The following LIPM variants were observed in gnomAD, a reference collection of about 807,000 sequenced individuals.
LIPM encodes lipase member M.
A neutral mutation model predicts 42.4 loss-of-function variants in LIPM; 42 were observed. The observed-to-expected ratio is 0.99, with a 90% confidence interval of 0.77 to 1.28. The LOEUF is 1.28. Ranked by LOEUF, LIPM falls within the 50% of genes most tolerant of loss-of-function variation. The pLI, the probability that LIPM is intolerant of heterozygous loss-of-function variation, is 0.00. For missense variants in LIPM, 524 were observed against 520.1 expected, an observed-to-expected ratio of 1.01 and a Z score of -0.07; for synonymous variants, 177 against 173.3, an observed-to-expected ratio of 1.02 and a Z score of -0.17.
chr10:88,816,849 G>C lies in LIPM; in HGVS notation c.892G>C (p.Ala298Pro). Residue 298 changes from alanine (A) to proline (P), a missense_variant, in exon 7 of 9, where the codon GCT (alanine) becomes CCT (proline). Transcript: ENST00000404743. ...RASVYAAHTLAGTSVQNILHW... is the reference protein window; with the variant it reads ...RASVYAAHTLPGTSVQNILHW... ...AAGTGTATATGCTGCCCACACTCTT[G>C]CTGGAACATCTGTGCAAAATATTCT... 6.4e-7 allele frequency: 1 copy of C among 1,551,480 alleles called. No individual in the cohort carries two copies. Among genetic ancestry groups the C allele is most frequent in the Non-Finnish European group, 8.7e-7 (1 of 1,146,868 alleles).
intron 3 of LIPM, among the ~76,000 whole-genome samples, chr10:88,813,524 G>A (rs1589315593): frequency 6.6e-6 from 1 of 152,038 alleles, no homozygotes; most frequent in East Asian, 1.9e-4. Flanking sequence ...GAGAATGGTG[G>A]TTGGTGTCAG....
At chr10:88,811,642 T>C (rs567855283) in intron 2 of LIPM, among the ~76,000 whole-genome samples, 2 of 152,200 alleles carry the variant, frequency 1.3e-5, no homozygotes, top group Non-Finnish European at 2.9e-5. Context: ...ATTTCCAATT[T>C]ATGGAAAAGT....
chr10:88,817,878 T>A lies in LIPM; in HGVS notation c.984T>A (p.Asn328Lys). 6.4e-7 allele frequency: 1 copy of A among 1,551,250 alleles called. No homozygotes were observed. The highest frequency in any genetic ancestry group is 8.7e-7 in the Non-Finnish European group (1 of 1,146,730). ...RAFDWGSETK[N>K]LEKCNQPTPV... is the part of the protein sequence containing the mutation. ...TTGACTGGGGGAGTGAGACCAAAAA[T>A]CTGGAAAAATGCAATCAGGTAAGAA... The change falls in exon 8 of 9, where the codon AAT becomes AAA. Residue 328 changes from asparagine (N) to lysine (K), a missense_variant. Transcript: ENST00000404743.
chr10:88,812,702 A>C (rs531578624), intron 2 of LIPM, among the ~76,000 whole-genome samples: 1 of 152,302 alleles, frequency 6.6e-6, no homozygotes, highest in Non-Finnish European at 1.5e-5. Flanking sequence ...TAATCACTAA[A>C]CCATTATATA....
intron 4 of LIPM, 100 bp downstream of exon 4, chr10:88,814,739 G>T: frequency 1.2e-6 from 1 of 864,788 alleles, no homozygotes; most frequent in Non-Finnish European, 1.9e-6. Flanking sequence ...CTTCAGACCT[G>T]CTCTTTTCAT....
chr10:88,803,272 T>C (rs1843549517), intron 1 of LIPM, among the ~76,000 whole-genome samples: 1 of 152,198 alleles, frequency 6.6e-6, no homozygotes, highest in Non-Finnish European at 1.5e-5. Context: ...TCTTTGAGCT[T>C]CAAACACAAT....
intron 1 of LIPM, chr10:88,806,103 C>T: frequency 4.7e-6 from 2 of 425,412 alleles, no homozygotes; most frequent in Non-Finnish European, 4.7e-6. Flanking sequence ...CAAGGGTGAT[C>T]TGTTGACAGC....
chr10:88,810,368 T>A (rs938954995), intron 2 of LIPM, among the ~76,000 whole-genome samples: 5 of 152,150 alleles, frequency 3.3e-5, no homozygotes, highest in Non-Finnish European at 4.4e-5. Flanking sequence ...TTTTCTTACA[T>A]CCTGTTGATT....
rs1232073627 is a variant in LIPM, at chr10:88,803,062, G to C, written c.147+19G>C. 8 of 1,548,924 alleles carry C rather than the reference G, an allele frequency of 5.2e-6. No homozygotes were observed. Among genetic ancestry groups the C allele is most frequent in the Non-Finnish European group, 7.0e-6 (8 of 1,145,742 alleles). ...GAATATTGTAAGTTGGGATTTCTGG[G>C]AAATGAGGTACTTAACATGTTAACG... is the stretch of plus-strand genomic sequence containing the variant. On this transcript the variant is annotated intron_variant, in intron 1 of 8. Transcript: ENST00000404743.
In LIPM at chr10:88,813,166, CCAA is replaced by C; in HGVS notation, c.339_341del (p.Asn114del). 6.2e-7 allele frequency: 1 copy of C among 1,613,098 alleles called. No homozygotes were observed. The highest frequency in any genetic ancestry group is 8.5e-7 in the Non-Finnish European group (1 of 1,179,526). On this transcript the variant is annotated inframe_deletion, in exon 3 of 9. Coordinates refer to ENST00000404743, the MANE Select transcript of LIPM (RefSeq NM_001128215.1). ...GCTAGCAACTGGATTTCCAACCTGCCCAACAATAGCCTGGGCTTCATTCTGGCA... is the reference window on the plus strand; with the variant it reads ...GCTAGCAACTGGATTTCCAACCTGCCCAATAGCCTGGGCTTCATTCTGGCA...
Position 88,820,227 on chromosome 10 carries a change from T to C in LIPM, c.1003-5T>C, listed in dbSNP as rs1412639448. ...CTAGAGTTAAGAACTATTCCTTTTC[T>C]CTAGCCAACTCCTGTAAGGTACAGA... On this transcript the variant is annotated splice_polypyrimidine_tract_variant and splice_region_variant and intron_variant, in intron 8 of 8. Transcript: ENST00000404743. 3 of 1,546,650 alleles carry C rather than the reference T, an allele frequency of 1.9e-6. No homozygotes were observed. The highest frequency in any genetic ancestry group is 2.4e-5 in the East Asian group (1 of 40,876).
chr10:88,818,565 T>C (rs1272377109), intron 8 of LIPM, among the ~76,000 whole-genome samples: 1 of 152,226 alleles, frequency 6.6e-6, no homozygotes, highest in Non-Finnish European at 1.5e-5. Context: ...TGCACAGGTA[T>C]GCCCTTTAGA....
At position 88,802,863 on chromosome 10, in the gene LIPM, A is replaced by T. The variant is rs772602640; in HGVS notation, c.-34A>T. 1 of 1,516,862 alleles carries T rather than the reference A, an allele frequency of 6.6e-7. No homozygotes were observed. Among genetic ancestry groups the T allele is most frequent in the South Asian group, 1.3e-5 (1 of 78,218 alleles). The allele number at this position is 1,516,862 out of a possible 1,614,324, so 94.0% of individuals were successfully genotyped here. On this transcript the variant is annotated 5_prime_UTR_variant, in exon 1 of 9. Coordinates refer to ENST00000404743, the MANE Select transcript of LIPM (RefSeq NM_001128215.1). ...TTCTTACTTTAGAATTAGTTGTTAC[A>T]TTGGCAGGAAAAAATAAATGCAGAT... is the stretch of plus-strand genomic sequence containing the variant.
chr10:88,807,090 T>G (rs187907229), intron 1 of LIPM, among the ~76,000 whole-genome samples: 1 of 152,328 alleles, frequency 6.6e-6, no homozygotes, highest in East Asian at 1.9e-4. Flanking sequence ...GTTTTAATTA[T>G]AGTGGTAGTT....
chr10:88,803,515 T>C (rs1303268289), intron 1 of LIPM, among the ~76,000 whole-genome samples: 1 of 152,096 alleles, frequency 6.6e-6, no homozygotes, highest in Non-Finnish European at 1.5e-5. Context: ...TCTGGACTGG[T>C]ACTTTGCTGA....
rs4933485 is a variant in LIPM at position 88,804,120 on chromosome 10, A to G, written c.147+1077A>G. Among the ~76,000 whole-genome samples, 452 of 152,340 alleles carry G rather than the reference A, an allele frequency of 3.0e-3. 1 individual carries two copies. Among genetic ancestry groups the G allele is most frequent in the Non-Finnish European group, 5.5e-3 (372 of 68,024 alleles). On this transcript the variant is annotated intron_variant, in intron 1 of 8. Coordinates refer to ENST00000404743, the MANE Select transcript of LIPM (RefSeq NM_001128215.1). The stretch of plus-strand genomic sequence containing the variant: ...GGAAATAGAAATATTCTGTATCTGC[A>G]TGGTGCTGAATATCAGGTTTCTTTT...
chr10:88,810,022 T>C (rs927572877), intron 2 of LIPM, among the ~76,000 whole-genome samples: 1 of 152,186 alleles, frequency 6.6e-6, no homozygotes, highest in African/African-American at 2.4e-5. Context: ...TACTTTTCCA[T>C]ATAGCACTTA....
At chr10:88,814,261 C>T (rs1843689601) in intron 3 of LIPM, among the ~76,000 whole-genome samples, 1 of 152,140 alleles carries the variant, frequency 6.6e-6, no homozygotes, top group South Asian at 2.1e-4. Flanking sequence ...CTAGCAGTTG[C>T]GTTATGTGCT....
chr10:88,803,619 G>GGTT lies in LIPM; in HGVS notation c.147+576_147+577insGTT, dbSNP rs1843553156. 1.6e-5 allele frequency among the ~76,000 whole-genome samples: 2 copies of GGTT among 122,106 alleles called. 1 individual carries two copies. The allele number at this position is 122,106 out of a possible 152,430, so 80.1% of individuals were successfully genotyped here. On this transcript the variant is annotated intron_variant, in intron 1 of 8. Transcript: ENST00000404743. ...TACATCTCTTTAGTTTTCCCAGGAGGTTTTTTTTTTTTTTTTTTTTGGTAG... is the reference window on the plus strand; with the variant it reads ...TACATCTCTTTAGTTTTCCCAGGAGGGTTTTTTTTTTTTTTTTTTTTTTGGTAG...
Sources: allele counts gnomAD v4.1 joint callset (sites outside exome capture counted in the v4.1 genomes callset), GRCh38; gene constraint gnomAD v4.1.1; transcripts MANE v1.5; gene names NCBI Gene and HGNC (gene_info 2026-07-23, HGNC 2026-07-21).